KIAA1217: variants seen among roughly 807,000 people sequenced by gnomAD.
KIAA1217 encodes the protein sickle tail protein homolog.
Under a neutral mutation model 163.9 loss-of-function variants are expected in KIAA1217, and 88 were observed. The ratio of observed to expected loss-of-function variants is 0.54; its 90% confidence interval spans 0.45 to 0.64. The LOEUF is 0.64. Ranked by LOEUF, KIAA1217 falls within the 30% of genes least tolerant of loss-of-function variation. The pLI, the probability that KIAA1217 is intolerant of heterozygous loss-of-function variation, is 0.00. For synonymous variants in KIAA1217, 903 were observed against 923.1 expected (o/e 0.98, Z 0.39); for missense variants, 2,372 against 2,475.0 (o/e 0.96, Z 0.88).
At chr10:24,036,000 G>A (rs1022196468) in intron 2 of KIAA1217, among the ~76,000 whole-genome samples, 12 of 152,176 alleles carry the variant, frequency 7.9e-5, no homozygotes, top group African/African-American at 2.2e-4. Flanking sequence ...ACAGAAGTGC[G>A]CATTACCAGG....
intron 2 of KIAA1217, among the ~76,000 whole-genome samples, chr10:24,023,020 A>C (rs1205854130): frequency 1.3e-5 from 2 of 151,542 alleles, no homozygotes; most frequent in African/African-American, 4.8e-5. Flanking sequence ...CAAGAACAAG[A>C]CCCAACTGCT....
At chr10:24,415,335 G>A (rs750591507) in intron 3 of KIAA1217, among the ~76,000 whole-genome samples, 3 of 151,614 alleles carry the variant, frequency 2.0e-5, no homozygotes, top group Non-Finnish European at 2.9e-5. Context: ...GGCTGGTCTC[G>A]AACTCCTGAC....
chr10:24,473,301 C>T lies in KIAA1217; in HGVS notation c.920C>T (p.Pro307Leu), dbSNP rs2063718128. The change falls in exon 6 of 21, where the codon CCC becomes CTC. Residue 307 changes from proline to leucine, a missense_variant. By Grantham distance (98) the Pro-to-Leu change is moderately conservative. Around this residue, in one of 3 missense-constraint regions of KIAA1217, gnomAD observed 1,431 missense variants for 1,470.3 expected, o/e 0.97. Transcript: ENST00000376454. Reference sequence around the variant, plus strand: ...CGCCCCGGATCTACTGCTCATCCACCCCATGCGATTCCAAATTCCCCACCG... The same window carrying T: ...CGCCCCGGATCTACTGCTCATCCACTCCATGCGATTCCAAATTCCCCACCG... ...APRPGSTAHP[P>L]HAIPNSPPST... 6.4e-7 allele frequency: 1 copy of T among 1,554,176 alleles called. No homozygotes were observed. Among genetic ancestry groups the T allele is most frequent in the Non-Finnish European group, 8.7e-7 (1 of 1,150,358 alleles).
chr10:24,051,569 C>T (rs1218237660), intron 2 of KIAA1217, among the ~76,000 whole-genome samples: 1 of 152,136 alleles, frequency 6.6e-6, no homozygotes, highest in Non-Finnish European at 1.5e-5. Flanking sequence ...TTTACATTCT[C>T]ACCAGCAGTG....
chr10:24,388,019 A>C (rs1165451736), intron 3 of KIAA1217, among the ~76,000 whole-genome samples: 2 of 152,204 alleles, frequency 1.3e-5, no homozygotes, highest in African/African-American at 2.4e-5. Context: ...CCATCAAGCT[A>C]CCAATGACTT....
intron 2 of KIAA1217, among the ~76,000 whole-genome samples, chr10:24,044,491 CT>C (rs1369884426): frequency 2.0e-5 from 3 of 152,056 alleles, no homozygotes; most frequent in African/African-American, 7.2e-5. Context: ...TGAGGGCACC[CT>C]GATACATTTC....
chr10:24,066,113 C>T (rs1393950823), intron 2 of KIAA1217, among the ~76,000 whole-genome samples: 1 of 152,090 alleles, frequency 6.6e-6, no homozygotes, highest in East Asian at 1.9e-4. Context: ...CAGTCTGTGC[C>T]TTTTAATTGG....
chr10:24,440,487 G>A (rs1390026469), intron 5 of KIAA1217, among the ~76,000 whole-genome samples: 3 of 152,162 alleles, frequency 2.0e-5, no homozygotes, highest in Admixed American at 1.3e-4. Context: ...CTTGTTTGTG[G>A]CTGGAAAGAC....
At chr10:24,038,368 A>T (rs1848483785) in intron 2 of KIAA1217, among the ~76,000 whole-genome samples, 1 of 152,218 alleles carries the variant, frequency 6.6e-6, no homozygotes, top group South Asian at 2.1e-4. Flanking sequence ...TGGTACAGAC[A>T]TGTGAAGTCT....
intron 2 of KIAA1217, among the ~76,000 whole-genome samples, chr10:24,371,286 T>C (rs1184420316): frequency 6.6e-6 from 1 of 152,032 alleles, no homozygotes; most frequent in Admixed American, 6.6e-5. Flanking sequence ...ATTTAGCAGC[T>C]CCTCTAGGTG....
intron 2 of KIAA1217, among the ~76,000 whole-genome samples, chr10:24,321,069 T>C (rs908840775): frequency 2.0e-5 from 3 of 150,418 alleles, no homozygotes; most frequent in Non-Finnish European, 3.0e-5. Context: ...AAAAAAATGC[T>C]ACAGAGAAAG....
chr10:24,242,593 TG>T (rs1199981411), intron 2 of KIAA1217, among the ~76,000 whole-genome samples: 4 of 152,180 alleles, frequency 2.6e-5, no homozygotes, highest in Non-Finnish European at 5.9e-5. Flanking sequence ...TATATTCCCT[TG>T]GGTATATACC....
chr10:24,524,871 A>C, intron 13 of KIAA1217, 107 bp downstream of exon 13: 2 of 1,045,516 alleles, frequency 1.9e-6, no homozygotes, highest in Non-Finnish European at 2.7e-6. Context: ...TGTATGGATC[A>C]GAGACAGGGT....
chr10:24,470,160 C>T (rs16924805), intron 5 of KIAA1217, among the ~76,000 whole-genome samples: 3,200 of 152,250 alleles, frequency 0.021, 117 homozygotes, highest in African/African-American at 0.074. Flanking sequence ...ATTTTATGAC[C>T]TGTGAAGCCC....
chr10:24,314,804 C>A (rs1184108450), intron 2 of KIAA1217, among the ~76,000 whole-genome samples: 1 of 151,974 alleles, frequency 6.6e-6, no homozygotes, highest in Non-Finnish European at 1.5e-5. Context: ...ATCAGCCGGG[C>A]GTGGTGGCAG....
chr10:24,283,995 C>T (rs1301682370), intron 2 of KIAA1217, among the ~76,000 whole-genome samples: 2 of 151,912 alleles, frequency 1.3e-5, no homozygotes, highest in Non-Finnish European at 2.9e-5. Context: ...CTGCAGCCTC[C>T]ACCTCCTGGG....
At chr10:24,439,650 CTT>C (rs60419075) in intron 5 of KIAA1217, among the ~76,000 whole-genome samples, 4 of 142,982 alleles carry the variant, frequency 2.8e-5, no homozygotes, top group African/African-American at 5.1e-5. Context: ...AGAATCTTTT[CTT>C]TTTTTTTTTT....
chr10:23,895,667 A>G lies in KIAA1217; in HGVS notation c.-320-111558A>G, dbSNP rs553447421. ...GTATATACCCAAAGGACTGTAAATT[A>G]TGCTGCTATAAAGACACATGCACAC... On this transcript the variant is annotated intron_variant, in intron 1 of 18. Coordinates refer to the KIAA1217 transcript ENST00000376462. Among the ~76,000 whole-genome samples the G allele has an allele frequency of 1.4e-4, 21 of 152,250 alleles. No homozygotes were observed. In the South Asian group the frequency reaches 4.4e-3, roughly 32 times the overall value.
intron 2 of KIAA1217, among the ~76,000 whole-genome samples, chr10:24,017,418 A>G (rs1847533662): frequency 6.6e-6 from 1 of 152,074 alleles, no homozygotes; most frequent in Non-Finnish European, 1.5e-5. Context: ...TAAGGGGACT[A>G]TAAAAAATTC....
Sources: gnomAD v4.1 joint callset for allele counts (sites outside exome capture counted in the v4.1 genomes callset) on GRCh38, gnomAD v4.1.1 for gene constraint, gnomAD v4.1.1 regional missense constraint, MANE v1.5 for transcripts, NCBI Gene and HGNC (gene_info 2026-07-23, HGNC 2026-07-21) for gene names.